Variants in NRXN1 observed in about 807,000 individuals in gnomAD.
NRXN1 encodes the protein neurexin 1.
NRXN1 carries 39 observed loss-of-function variants against 150.9 expected under a neutral mutation model. The ratio of observed to expected loss-of-function variants is 0.26; its 90% CI spans 0.20 to 0.34. The LOEUF is 0.34. Ranked by LOEUF, NRXN1 falls within the 10% of genes least tolerant of loss-of-function variation. The pLI, the probability that NRXN1 is intolerant of heterozygous loss-of-function variation, is 1.00. For synonymous variants in NRXN1, 924 were observed against 757.0 expected, an observed-to-expected ratio of 1.22 and a Z score of -3.62; for missense variants, 1,815 against 1,949.9, an observed-to-expected ratio of 0.93 and a Z score of 1.30.
At chr2:50,408,837 A>ATCTCTCTCTCTC (rs10522429) in intron 17 of NRXN1, among the ~76,000 whole-genome samples, 3,386 of 136,338 alleles carry the variant, frequency 0.025, 115 homozygotes, top group Admixed American at 0.078. Context: ...ATCAATCTCA[A>ATCTCTCTCTCTC]TCTCTCTCTC....
At chr2:50,319,680 A>C (rs1558517396) in intron 17 of NRXN1, among the ~76,000 whole-genome samples, 1 of 151,886 alleles carries the variant, frequency 6.6e-6, no homozygotes, top group Admixed American at 6.6e-5. Context: ...CTTTGGAAAG[A>C]AGACAGTGGC....
chr2:50,483,251 A>T (rs1037808954), intron 15 of NRXN1, among the ~76,000 whole-genome samples: 1 of 152,128 alleles, frequency 6.6e-6, no homozygotes, highest in African/African-American at 2.4e-5. Context: ...TGGCTTAAAA[A>T]GGGGAGGAAC....
chr2:50,325,827 AAATT>A (rs1433446201), intron 17 of NRXN1, among the ~76,000 whole-genome samples: 7 of 152,202 alleles, frequency 4.6e-5, no homozygotes, highest in Admixed American at 4.6e-4. Context: ...CTTTATTTAA[AAATT>A]AATCTGATAA....
chr2:50,709,211 A>G (rs1321728026), intron 5 of NRXN1, among the ~76,000 whole-genome samples: 4 of 152,114 alleles, frequency 2.6e-5, no homozygotes, highest in Non-Finnish European at 5.9e-5. Context: ...ATTTGCACAC[A>G]TTTATTCAAC....
chr2:50,535,406 C>T (rs932846587), intron 10 of NRXN1, among the ~76,000 whole-genome samples: 1 of 152,204 alleles, frequency 6.6e-6, no homozygotes, highest in African/African-American at 2.4e-5. Context: ...TACACCTGTG[C>T]TCAGTTTTGC....
At position 50,553,014 on chromosome 2, in the gene NRXN1, T is replaced by G. The variant is rs773985278; in HGVS notation, c.1332A>C (p.Lys444Asn). The G allele has an allele frequency of 6.2e-7, 1 of 1,607,866 alleles. No individual in the cohort carries two copies. Among genetic ancestry groups the G allele is most frequent in the Non-Finnish European group, 8.5e-7 (1 of 1,177,088 alleles). Residue 444 changes from lysine to asparagine, a missense_variant, in exon 9 of 23, where the codon AAA becomes AAC. Lys to Asn is a moderately conservative substitution (Grantham distance 94). Coordinates refer to ENST00000401669, the MANE Select transcript of NRXN1 (RefSeq NM_001330078.2). ...ATAATTCCAGCCTCACATCATTATT[T>G]TTATATACAACCTGTGGGCAGAGGA... ...FMGCLKEVVY[K>N]NNDVRLELSR...
At chr2:50,663,289 C>T (rs1024719126) in intron 5 of NRXN1, among the ~76,000 whole-genome samples, 11 of 152,038 alleles carry the variant, frequency 7.2e-5, no homozygotes, top group Non-Finnish European at 1.3e-4. Context: ...GTTCTCACAT[C>T]TCTGTCTTTT....
Position 51,027,596 on chromosome 2 carries a change from C to T in NRXN1, c.678G>A (p.Gly226=). The T allele has an allele frequency of 1.2e-6, 2 of 1,602,754 alleles. No homozygotes were observed. Among genetic ancestry groups the T allele is most frequent in the African/African-American group, 1.3e-5 (1 of 74,766 alleles). ...AGCACACACCTCCGTTGAGGCACAC[C>T]CCGCCCTCGCCCTCCTCGCCCGCCT... ...PCEAGEEGEG[G]VCLNGGVCSV... The change falls in exon 2 of 23, where the codon GGG becomes GGA. Residue 226 remains glycine, a synonymous_variant. Coordinates refer to ENST00000401669, the MANE Select transcript of NRXN1 (RefSeq NM_001330078.2).
chr2:50,921,140 G>A (rs915426526), intron 5 of NRXN1, among the ~76,000 whole-genome samples: 1 of 151,706 alleles, frequency 6.6e-6, no homozygotes, highest in Non-Finnish European at 1.5e-5. Flanking sequence ...CTATATGTTT[G>A]CCACAGCTGC....
intron 5 of NRXN1, among the ~76,000 whole-genome samples, chr2:50,702,101 A>C (rs1043309215): frequency 1.3e-5 from 2 of 152,168 alleles, no homozygotes; most frequent in African/African-American, 4.8e-5. Context: ...AGGTATTCGA[A>C]GGAAAAAATA....
At chr2:50,049,551 T>C (rs1692372840) in intron 21 of NRXN1, among the ~76,000 whole-genome samples, 1 of 152,100 alleles carries the variant, frequency 6.6e-6, no homozygotes, top group South Asian at 2.1e-4. Flanking sequence ...GTATTCTCTA[T>C]AGTATGTATG....
intron 21 of NRXN1, among the ~76,000 whole-genome samples, chr2:49,958,182 T>G (rs112272594): frequency 1.1e-3 from 161 of 152,244 alleles, no homozygotes; most frequent in African/African-American, 3.8e-3. Context: ...ATTAGAGAAT[T>G]TGCCTTTGTG....
chr2:50,260,363 A>C (rs1050359011), intron 17 of NRXN1, among the ~76,000 whole-genome samples: 1 of 151,922 alleles, frequency 6.6e-6, no homozygotes, highest in Admixed American at 6.6e-5. Flanking sequence ...TTGTGAAAAC[A>C]GTATAAATGG....
chr2:50,297,511 A>G (rs1411351523), intron 17 of NRXN1, among the ~76,000 whole-genome samples: 2 of 152,190 alleles, frequency 1.3e-5, no homozygotes, highest in African/African-American at 4.8e-5. Flanking sequence ...GTTCAAAAAA[A>G]GCTTTACTAC....
rs144222931 is a variant in NRXN1 at position 50,157,009 on chromosome 2, C to T, written c.3547-65515G>A. On this transcript the variant is annotated intron_variant, in intron 18 of 22. Coordinates refer to ENST00000401669, the MANE Select transcript of NRXN1 (RefSeq NM_001330078.2). ...GTACTAAGTGCTTTGTATGTATTAT[C>T]TTAGTTAAACCATTTAACCATCTTC... 1.1e-4 allele frequency among the ~76,000 whole-genome samples: 17 copies of T among 152,126 alleles called. No individual in the cohort carries two copies. In the East Asian group the frequency reaches 3.3e-3, roughly 29 times the overall value.
intron 5 of NRXN1, among the ~76,000 whole-genome samples, chr2:50,771,585 G>A (rs1217285754): frequency 6.6e-6 from 1 of 152,048 alleles, no homozygotes; most frequent in Non-Finnish European, 1.5e-5. Flanking sequence ...AAACACAGAG[G>A]TGAGAATTTG....
chr2:50,182,657 C>G (rs141388015), intron 18 of NRXN1, among the ~76,000 whole-genome samples: 1 of 152,012 alleles, frequency 6.6e-6, no homozygotes, highest in Non-Finnish European at 1.5e-5. Context: ...ATTCCTTCTT[C>G]GAGCTGTCGC....
At chr2:51,021,001 GA>G (rs1218038425) in intron 2 of NRXN1, among the ~76,000 whole-genome samples, 1 of 151,798 alleles carries the variant, frequency 6.6e-6, no homozygotes, top group East Asian at 1.9e-4. Context: ...AACATTTTAA[GA>G]TTTACGTATT....
chr2:51,024,010 C>T (rs1176616483), intron 2 of NRXN1, among the ~76,000 whole-genome samples: 3 of 152,100 alleles, frequency 2.0e-5, no homozygotes, highest in East Asian at 1.9e-4. Context: ...CTAAAATGCA[C>T]GAGACCTGGG....
Sources: gnomAD v4.1 joint callset for allele counts (sites outside exome capture counted in the v4.1 genomes callset) on GRCh38, gnomAD v4.1.1 for gene constraint, MANE v1.5 for transcripts, NCBI Gene and HGNC (gene_info 2026-07-23, HGNC 2026-07-21) for gene names.